The following CFAP54 variants were observed in gnomAD, a reference collection of about 807,000 sequenced individuals.
CFAP54 encodes cilia and flagella associated protein 54.
In CFAP54, 290 loss-of-function variants were observed where a neutral mutation model predicts 370.4. The observed-to-expected ratio is 0.78, with a 90% CI of 0.71 to 0.86. The LOEUF (loss-of-function observed/expected upper bound fraction) is 0.86. Among genes scored for constraint, CFAP54 ranks in the 40% least tolerant of loss-of-function variants. The pLI is 0.00. For missense variants in CFAP54, 3,399 were observed against 3,528.7 expected, an observed-to-expected ratio of 0.96 and a Z score of 0.93; for synonymous variants, 1,206 against 1,236.5, an observed-to-expected ratio of 0.98 and a Z score of 0.52.
chr12:96,552,862 T>C (rs957729193), intron 15 of CFAP54, among the ~76,000 whole-genome samples: 6 of 152,176 alleles, frequency 3.9e-5, no homozygotes, highest in African/African-American at 1.4e-4. Context: ...TTCTGTATAG[T>C]TTTAAATTAG....
chr12:96,705,764 G>A (rs1434659763), intron 47 of CFAP54, among the ~76,000 whole-genome samples: 1 of 151,928 alleles, frequency 6.6e-6, no homozygotes, highest in Non-Finnish European at 1.5e-5. Context: ...ATGTTTTTTT[G>A]CATAAAGGGA....
intron 5 of CFAP54, 139 bp from the exon 6 acceptor site, chr12:96,518,789 C>G (rs1437988372): frequency 1.3e-6 from 1 of 742,780 alleles, no homozygotes. Flanking sequence ...CTTGTTTCTT[C>G]TTGACACGTT....
intron 26 of CFAP54, among the ~76,000 whole-genome samples, chr12:96,599,172 C>G (rs1956213274): frequency 2.0e-5 from 3 of 150,072 alleles, no homozygotes; most frequent in African/African-American, 7.4e-5. Context: ...CCCCACCCCC[C>G]AATAAGCCCT....
chr12:96,554,694 G>A lies in CFAP54; in HGVS notation c.2302G>A (p.Gly768Arg). 1.3e-6 allele frequency: 2 copies of A among 1,533,570 alleles called. No individual in the cohort carries two copies. Among genetic ancestry groups the A allele is most frequent in the Non-Finnish European group, 1.7e-6 (2 of 1,145,408 alleles). 95.0% of individuals were successfully genotyped at this position (1,533,570 alleles called of 1,614,324 possible). A position where few individuals can be genotyped will look rare whatever the true frequency, so the allele number is the denominator to read the frequency against. The change falls in exon 17 of 68, where the codon GGA becomes AGA. Residue 768 changes from glycine to arginine, a missense_variant. Physicochemically the swap from Gly to Arg is moderately radical, Grantham distance 125. This residue lies in a region of CFAP54 where 2,796 missense variants were observed against 2,869.7 expected (regional missense o/e 0.97). Coordinates refer to ENST00000524981, the MANE Select transcript of CFAP54 (RefSeq NM_001306084.2). ...ACCAAAGCGTACCCACCATATAGAT[G>A]GAGATACTTACAAACCACTTGCCTC... ...CYAKRTHHID[G>R]DTYKPLASNS...
chr12:96,756,386 T>C, intron 56 of CFAP54, 72 bp from the exon 57 acceptor site: 1 of 804,224 alleles, frequency 1.2e-6, no homozygotes, highest in Non-Finnish European at 2.0e-6. Context: ...ATTTCCAGCA[T>C]GAAATATTTG....
Position 96,533,991 on chromosome 12 carries a change from ATCC to A in CFAP54, c.1539+23_1539+25del. The A allele has an allele frequency of 6.8e-7, 1 of 1,480,536 alleles. No homozygotes were observed. Among genetic ancestry groups the A allele is most frequent in the Non-Finnish European group, 8.9e-7 (1 of 1,124,092 alleles). 91.7% of individuals were successfully genotyped at this position (1,480,536 alleles called of 1,614,324 possible). A position where few individuals can be genotyped will look rare whatever the true frequency, so the allele number is the denominator to read the frequency against. On this transcript the variant is annotated intron_variant, in intron 10 of 67. Transcript: ENST00000524981. ...TTCTCCAGGTAATATATGCAAAATT[ATCC>A]TCCTGGTTTTTTTTTTGTTAAAATG... is the stretch of plus-strand genomic sequence containing the variant.
intron 40 of CFAP54, among the ~76,000 whole-genome samples, chr12:96,683,278 C>T (rs1957291205): frequency 6.6e-6 from 1 of 152,150 alleles, no homozygotes; most frequent in Non-Finnish European, 1.5e-5. Flanking sequence ...GATATGGAAT[C>T]ACCATGAATG....
intron 60 of CFAP54, among the ~76,000 whole-genome samples, chr12:96,771,461 G>GC (rs1958460085): frequency 6.6e-6 from 1 of 152,172 alleles, no homozygotes; most frequent in South Asian, 2.1e-4. Flanking sequence ...GACCATCCTG[G>GC]CTAACACGGT....
At chr12:96,589,921 A>G (rs1391488392) in intron 23 of CFAP54, among the ~76,000 whole-genome samples, 1 of 151,832 alleles carries the variant, frequency 6.6e-6, no homozygotes, top group Non-Finnish European at 1.5e-5. Flanking sequence ...TAATTTTTGT[A>G]TTTTTAGTAG....
chr12:96,738,693 C>T (rs1958011208), intron 50 of CFAP54, among the ~76,000 whole-genome samples: 1 of 148,376 alleles, frequency 6.7e-6, no homozygotes, highest in Admixed American at 6.9e-5. Context: ...TCACTGCAAC[C>T]TCCGCCTCCT....
intron 26 of CFAP54, among the ~76,000 whole-genome samples, chr12:96,603,208 C>G (rs1198818456): frequency 2.0e-5 from 3 of 152,128 alleles, no homozygotes; most frequent in Non-Finnish European, 2.9e-5. Flanking sequence ...TTTCTCCTTA[C>G]TTATGAAGCT....
chr12:96,840,628 T>TTC (rs1212194478), intron 66 of CFAP54, among the ~76,000 whole-genome samples: 2 of 147,894 alleles, frequency 1.4e-5, no homozygotes, highest in East Asian at 1.9e-4. Context: ...GTTTCTTTCT[T>TTC]TTTTTTTTTT....
intron 1 of CFAP54, 61 bp downstream of exon 1, chr12:96,489,987 T>C (rs1029654187): frequency 1.4e-6 from 2 of 1,430,270 alleles, no homozygotes; most frequent in African/African-American, 2.9e-5. Context: ...TGGAAAGGGC[T>C]GGAGGATGCA....
intron 63 of CFAP54, among the ~76,000 whole-genome samples, chr12:96,807,914 G>C (rs976839248): frequency 6.6e-6 from 1 of 152,102 alleles, no homozygotes; most frequent in South Asian, 2.1e-4. Context: ...ATGGAATAGG[G>C]ATTACACATC....
intron 50 of CFAP54, among the ~76,000 whole-genome samples, chr12:96,725,909 C>T (rs1168419755): frequency 3.3e-5 from 5 of 149,940 alleles, no homozygotes; most frequent in Non-Finnish European, 4.4e-5. Context: ...TTGTCAAAGG[C>T]CTTTTCTGCA....
chr12:96,835,323 C>A (rs1244006726), intron 66 of CFAP54, among the ~76,000 whole-genome samples: 1 of 152,106 alleles, frequency 6.6e-6, no homozygotes, highest in African/African-American at 2.4e-5. Context: ...TCTGCCCTGG[C>A]TGAACTCAGG....
intron 66 of CFAP54, among the ~76,000 whole-genome samples, chr12:96,850,399 A>G (rs1959507287): frequency 1.3e-5 from 2 of 151,080 alleles, no homozygotes; most frequent in African/African-American, 4.9e-5. Context: ...GGGGAGTGGG[A>G]GAGGCTGCAC....
At chr12:96,594,914 T>A (rs1188976713) in intron 25 of CFAP54, among the ~76,000 whole-genome samples, 1 of 152,208 alleles carries the variant, frequency 6.6e-6, no homozygotes, top group Non-Finnish European at 1.5e-5. Flanking sequence ...TTTTCATGTT[T>A]CTTAACATAT....
chr12:96,669,581 A>G (rs1408740700), intron 39 of CFAP54, among the ~76,000 whole-genome samples: 1 of 152,280 alleles, frequency 6.6e-6, no homozygotes, highest in South Asian at 2.1e-4. Flanking sequence ...GAGGTGGCGG[A>G]TGGGTGAGGA....
Sources: gnomAD v4.1 joint callset for allele counts (sites outside exome capture counted in the v4.1 genomes callset) on GRCh38, gnomAD v4.1.1 for gene constraint, gnomAD v4.1.1 regional missense constraint, MANE v1.5 for transcripts, NCBI Gene and HGNC (gene_info 2026-07-23, HGNC 2026-07-21) for gene names.